The following ERICH3 variants were observed in gnomAD, a reference collection of about 807,000 sequenced individuals.
The protein encoded by ERICH3 is glutamate-rich protein 3.
A neutral mutation model predicts 131.1 loss-of-function variants in ERICH3; 126 were observed. The ratio of observed to expected loss-of-function variants is 0.96; its 90% CI spans 0.83 to 1.11. The LOEUF is 1.11. ERICH3 is among the 50% of genes most tolerant of loss of function. ERICH3 has a pLI of 0.00. For synonymous variants in ERICH3, 695 were observed against 644.6 expected, an observed-to-expected ratio of 1.08 and a Z score of -1.18; for missense variants, 2,050 against 1,810.7, an observed-to-expected ratio of 1.13 and a Z score of -2.40.
rs533765395 is a variant in ERICH3, at chr1:74,632,045, A to G, written c.604-117T>C. 13 of 890,654 alleles carry G rather than the reference A, an allele frequency of 1.5e-5. No individual in the cohort carries two copies. In the East Asian group the frequency reaches 2.8e-4, roughly 19 times the overall value. The allele number at this position is 890,654 out of a possible 1,614,324, so 55.2% of individuals were successfully genotyped here. ...TTGCATGCAAACACAACTGATATCA[A>G]TAGACAAACTCAAAACACTCCAGTC... On this transcript the variant is annotated intron_variant, in intron 6 of 14. Transcript: ENST00000326665.
At chr1:74,665,427 T>G (rs1434987997) in intron 1 of ERICH3, among the ~76,000 whole-genome samples, 1 of 152,220 alleles carries the variant, frequency 6.6e-6, no homozygotes, top group Non-Finnish European at 1.5e-5. Flanking sequence ...TTTTAAATGA[T>G]TCTGCATTTC....
At chr1:74,634,385 C>T (rs1404336256) in intron 6 of ERICH3, among the ~76,000 whole-genome samples, 2 of 152,100 alleles carry the variant, frequency 1.3e-5, no homozygotes, top group East Asian at 3.9e-4. Context: ...GAATTTATCT[C>T]AATCTTGTCA....
intron 1 of ERICH3, among the ~76,000 whole-genome samples, chr1:74,652,356 C>T (rs1475837334): frequency 6.6e-6 from 1 of 152,138 alleles, no homozygotes; most frequent in Non-Finnish European, 1.5e-5. Flanking sequence ...GTCAGCTACA[C>T]TGTGGTCTGG....
At chr1:74,654,231 T>C (rs1336588500) in intron 1 of ERICH3, among the ~76,000 whole-genome samples, 1 of 152,130 alleles carries the variant, frequency 6.6e-6, no homozygotes, top group Non-Finnish European at 1.5e-5. Context: ...TTTTCTAGCA[T>C]GCACCTCAGA....
At position 74,643,676 on chromosome 1, in the gene ERICH3, T is replaced by A. The variant is rs147334741; in HGVS notation, c.244-578A>T. Among the ~76,000 whole-genome samples, 548 of 152,226 alleles carry A rather than the reference T, an allele frequency of 3.6e-3. 1 individual carries two copies. Among genetic ancestry groups the A allele is most frequent in the African/African-American group, 0.013 (528 of 41,540 alleles). ...TGCTAGGAAGGTGCTTCACATACAT[T>A]ATTTCTTCTTGAACAACTCTAATTG... On this transcript the variant is annotated intron_variant, in intron 3 of 14. Coordinates refer to ENST00000326665, the MANE Select transcript of ERICH3 (RefSeq NM_001002912.5).
intron 1 of ERICH3, among the ~76,000 whole-genome samples, chr1:74,656,946 G>A (rs1477436223): frequency 1.3e-5 from 2 of 152,172 alleles, no homozygotes; most frequent in African/African-American, 2.4e-5. Context: ...CCTATAAGGT[G>A]TTGTATGGAG....
At position 74,657,810 on chromosome 1, in the gene ERICH3, C is replaced by CT. The variant is rs138183159; in HGVS notation, c.24-8496dup. Reference sequence around the variant, plus strand: ...AGTTGCATATGAGACATGGTATATGCTTTCATATACCATGAATTCTTCTCT... The same window carrying CT: ...AGTTGCATATGAGACATGGTATATGCTTTTCATATACCATGAATTCTTCTCT... On this transcript the variant is annotated intron_variant, in intron 1 of 14. Coordinates refer to ENST00000326665, the MANE Select transcript of ERICH3 (RefSeq NM_001002912.5). Among the ~76,000 whole-genome samples the CT allele has an allele frequency of 4.2e-3, 633 of 152,162 alleles. 1 individual carries two copies. Among genetic ancestry groups the CT allele is most frequent in the African/African-American group, 0.015 (604 of 41,502 alleles).
chr1:74,646,775 T>G lies in ERICH3; in HGVS notation c.135A>C (p.Arg45Ser). Residue 45 changes from arginine to serine, a missense_variant, in exon 3 of 15, where the codon AGA becomes AGC. Physicochemically the swap from Arg to Ser is moderately radical, Grantham distance 110. Coordinates refer to ENST00000326665, the MANE Select transcript of ERICH3 (RefSeq NM_001002912.5). ...GTTTATATTCTTTTTCAGAAAGTATTCTTCCACTTCTTGTGATCTGTCATG... is the reference window on the plus strand; with the variant it reads ...GTTTATATTCTTTTTCAGAAAGTATGCTTCCACTTCTTGTGATCTGTCATG... ...LRSGLITRSG[R>S]ILSEKEYKLN... The G allele has an allele frequency of 6.8e-7, 1 of 1,474,986 alleles. No homozygotes were observed. Among genetic ancestry groups the G allele is most frequent in the Admixed American group, 1.9e-5 (1 of 51,398 alleles). The allele number at this position is 1,474,986 out of a possible 1,614,324, so 91.4% of individuals were successfully genotyped here. A position where few individuals can be genotyped will look rare whatever the true frequency, so the allele number is the denominator to read the frequency against.
Position 74,571,515 on chromosome 1 carries a change from C to T in ERICH3, c.4195G>A (p.Ala1399Thr). ...TCCTCTACCACCACCTTCCCTGCAG[C>T]TGCTGTTTTTCCTACTAACTCATCC... ...QQDELVGKTA[A>T]AGKVVVEELA... The change falls in exon 14 of 15, where the codon GCT becomes ACT. Residue 1399 changes from alanine to threonine, a missense_variant. Ala to Thr is a moderately conservative substitution (Grantham distance 58). Transcript: ENST00000326665. 4 of 1,614,188 alleles carry T rather than the reference C, an allele frequency of 2.5e-6. No homozygotes were observed. Among genetic ancestry groups the T allele is most frequent in the Non-Finnish European group, 3.4e-6 (4 of 1,180,022 alleles).
intron 8 of ERICH3, among the ~76,000 whole-genome samples, chr1:74,614,367 TA>T (rs58516429): frequency 0.37 from 41,927 of 114,858 alleles, 6,546 homozygotes; most frequent in East Asian, 0.56. Context: ...ATTTTTTCCC[TA>T]AAAAAAAAAA....
Position 74,673,440 on chromosome 1 carries a change from G to A in ERICH3, c.23+57C>T, listed in dbSNP as rs371115268. The A allele has an allele frequency of 7.8e-4, 1,247 of 1,602,126 alleles. 1 individual carries two copies. Among genetic ancestry groups the A allele is most frequent in the Non-Finnish European group, 9.6e-4 (1,122 of 1,173,278 alleles). On this transcript the variant is annotated intron_variant, in intron 1 of 14. Coordinates refer to ENST00000326665, the MANE Select transcript of ERICH3 (RefSeq NM_001002912.5). Reference sequence around the variant, plus strand: ...TCCGCAGCAGGAGGGAGGAGGAGGGGCAGCTGGCTGAAGCCGCCACCTGCC... The same window carrying A: ...TCCGCAGCAGGAGGGAGGAGGAGGGACAGCTGGCTGAAGCCGCCACCTGCC...
chr1:74,652,776 A>G (rs1646548842), intron 1 of ERICH3, among the ~76,000 whole-genome samples: 1 of 152,020 alleles, frequency 6.6e-6, no homozygotes, highest in South Asian at 2.1e-4. Flanking sequence ...CTCGCAGGCT[A>G]TGTTGTCATG....
rs755743275 is a variant in ERICH3, at chr1:74,631,875, C to G, written c.657G>C (p.Met219Ile). The change falls in exon 7 of 15, where the codon ATG becomes ATC. Residue 219 changes from methionine to isoleucine, a missense_variant. Transcript: ENST00000326665. ...TAATGTTTGGAAGTTGATATGAATT[C>G]ATTCTCTGTGAATTGCCTATGGAGT... is the stretch of plus-strand genomic sequence containing the variant. ...FRNSIGNSQR[M>I]NSYQLPNINS... The G allele has an allele frequency of 3.1e-6, 5 of 1,613,476 alleles. No homozygotes were observed. In the East Asian group the frequency reaches 8.9e-5, roughly 29 times the overall value.
intron 11 of ERICH3, among the ~76,000 whole-genome samples, chr1:74,595,015 T>C (rs1249340910): frequency 6.6e-6 from 1 of 152,112 alleles, no homozygotes; most frequent in Non-Finnish European, 1.5e-5. Context: ...GTGGATCCAA[T>C]ATGCTTTTCA....
intron 1 of ERICH3, among the ~76,000 whole-genome samples, chr1:74,650,616 C>T (rs1406511179): frequency 6.6e-6 from 1 of 152,020 alleles, no homozygotes; most frequent in African/African-American, 2.4e-5. Flanking sequence ...GGGTGGGTGG[C>T]ATATACTGCA....
chr1:74,612,567 T>G, intron 9 of ERICH3, 56 bp downstream of exon 9: 4 of 1,432,202 alleles, frequency 2.8e-6, no homozygotes, highest in Non-Finnish European at 3.8e-6. Context: ...AGTAAAGGCA[T>G]TCAAAGAAAA....
intron 9 of ERICH3, among the ~76,000 whole-genome samples, chr1:74,608,726 A>C (rs1278147064): frequency 6.6e-6 from 1 of 152,084 alleles, no homozygotes; most frequent in Non-Finnish European, 1.5e-5. Context: ...CACCCATATT[A>C]AGCATGATAA....
At chr1:74,644,367 T>A (rs933525053) in intron 3 of ERICH3, among the ~76,000 whole-genome samples, 7 of 152,108 alleles carry the variant, frequency 4.6e-5, no homozygotes, top group Non-Finnish European at 1.0e-4. Flanking sequence ...CTGAAACTAC[T>A]TTTGCCAAGT....
Position 74,612,663 on chromosome 1 carries a change from A to G in ERICH3, c.1147T>C (p.Phe383Leu). Residue 383 changes from phenylalanine (F) to leucine (L), a missense_variant, in exon 9 of 15, where the codon TTT becomes CTT. Phe to Leu is a conservative substitution (Grantham distance 22, BLOSUM62 0). Transcript: ENST00000326665. ...GSRLGGKRGY[F>L]GFVCVERSSP... is the part of the protein sequence containing the mutation. The stretch of plus-strand genomic sequence containing the variant: ...GATCTCTCAACACACACAAACCCAA[A>G]GTAGCCTCGTTTGCCTCCAAGCCTG... The G allele has an allele frequency of 6.3e-7, 1 of 1,590,640 alleles. No individual in the cohort carries two copies. Among genetic ancestry groups the G allele is most frequent in the Non-Finnish European group, 8.6e-7 (1 of 1,162,256 alleles).
Sources: allele counts gnomAD v4.1 joint callset (sites outside exome capture counted in the v4.1 genomes callset), GRCh38; gene constraint gnomAD v4.1.1; transcripts MANE v1.5; gene names NCBI Gene and HGNC (gene_info 2026-07-23, HGNC 2026-07-21).